Variants in PAPSS1 observed in about 807,000 individuals in gnomAD.
PAPSS1 encodes the protein 3'-phosphoadenosine 5'-phosphosulfate synthase 1.
A neutral mutation model predicts 72.0 loss-of-function variants in PAPSS1; 50 were observed. That is an observed-to-expected ratio of 0.69 (90% confidence interval 0.55 to 0.88). PAPSS1 has a LOEUF of 0.88. Ranked by LOEUF, PAPSS1 falls within the 40% of genes least tolerant of loss-of-function variation. The probability of loss-of-function intolerance (pLI) is 0.00; values close to 1 mark genes in which losing one functional copy is unlikely to be tolerated. For synonymous variants in PAPSS1, 261 were observed against 263.6 expected (o/e 0.99, Z 0.09); for missense variants, 657 against 782.2 (o/e 0.84, Z 1.91).
chr4:107,633,919 A>AG (rs1726291750), intron 10 of PAPSS1, among the ~76,000 whole-genome samples: 1 of 41,784 alleles, frequency 2.4e-5, no homozygotes. Flanking sequence ...ACTCCGTCTC[A>AG]AAAAAAAAAA....
chr4:107,650,609 G>C (rs1363318391), intron 9 of PAPSS1, among the ~76,000 whole-genome samples: 2 of 152,148 alleles, frequency 1.3e-5, no homozygotes, highest in Non-Finnish European at 2.9e-5. Context: ...GCAGAAAAGG[G>C]AAGTGTACAT....
chr4:107,634,523 T>C (rs1029690823), intron 10 of PAPSS1, among the ~76,000 whole-genome samples: 4 of 152,146 alleles, frequency 2.6e-5, no homozygotes, highest in African/African-American at 4.8e-5. Flanking sequence ...TGGTGGATCA[T>C]TTTATTAAGG....
At chr4:107,628,212 G>C (rs946578602) in intron 11 of PAPSS1, among the ~76,000 whole-genome samples, 1 of 152,138 alleles carries the variant, frequency 6.6e-6, no homozygotes, top group African/African-American at 2.4e-5. Flanking sequence ...TCATCTAAAA[G>C]TATGCATTGT....
At chr4:107,621,433 T>G (rs1022698440) in intron 11 of PAPSS1, among the ~76,000 whole-genome samples, 3 of 151,846 alleles carry the variant, frequency 2.0e-5, no homozygotes, top group African/African-American at 7.3e-5. Flanking sequence ...GTGACATAGG[T>G]GTTAATTTTC....
intron 7 of PAPSS1, among the ~76,000 whole-genome samples, chr4:107,655,878 G>A (rs999896663): frequency 2.6e-5 from 4 of 152,292 alleles, no homozygotes; most frequent in Non-Finnish European, 4.4e-5. Flanking sequence ...TAATCCTTAT[G>A]TTCTTGTGAT....
chr4:107,638,260 G>T (rs1726440153), intron 10 of PAPSS1, among the ~76,000 whole-genome samples: 1 of 152,144 alleles, frequency 6.6e-6, no homozygotes, highest in Non-Finnish European at 1.5e-5. Context: ...TTGTAGGAAA[G>T]AATTAAACAT....
chr4:107,650,654 A>G lies in PAPSS1; in HGVS notation c.1237+2837T>C, dbSNP rs573872408. Among the ~76,000 whole-genome samples the G allele has an allele frequency of 2.0e-5, 3 of 152,344 alleles. No homozygotes were observed. The South Asian group carries it at 6.2e-4, about 32-fold the overall frequency. Reference sequence around the variant, plus strand: ...TACCAGATGTTTCTGGTTGCAAATCACAGAAAACCCAACTAAAAGTATCTT... The same window carrying G: ...TACCAGATGTTTCTGGTTGCAAATCGCAGAAAACCCAACTAAAAGTATCTT... On this transcript the variant is annotated intron_variant, in intron 9 of 11. Transcript: ENST00000265174.
chr4:107,638,088 T>A (rs1349455157), intron 10 of PAPSS1, among the ~76,000 whole-genome samples: 1 of 152,242 alleles, frequency 6.6e-6, no homozygotes, highest in East Asian at 1.9e-4. Context: ...TTCCTGATAC[T>A]GTGGCTTTTG....
chr4:107,618,812 C>A (rs1261465877), intron 11 of PAPSS1, among the ~76,000 whole-genome samples: 1 of 152,050 alleles, frequency 6.6e-6, no homozygotes, highest in Non-Finnish European at 1.5e-5. Flanking sequence ...CAAGCAGAGC[C>A]TAGACAGGAA....
At chr4:107,715,927 TGA>T (rs144014949) in intron 1 of PAPSS1, among the ~76,000 whole-genome samples, 57 of 152,324 alleles carry the variant, frequency 3.7e-4, no homozygotes, top group East Asian at 3.3e-3. Flanking sequence ...ATGAGGATAT[TGA>T]GAGATGAAGG....
intron 1 of PAPSS1, among the ~76,000 whole-genome samples, chr4:107,715,465 G>C (rs1448908006): frequency 1.1e-4 from 16 of 152,184 alleles, no homozygotes; most frequent in Admixed American, 1.0e-3. Context: ...TTGGCCTCTT[G>C]TTTGGCTGTC....
chr4:107,719,832 G>C, intron 1 of PAPSS1: 1 of 1,288,760 alleles, frequency 7.8e-7, no homozygotes, highest in Non-Finnish European at 9.8e-7. Context: ...GGATTTTCCT[G>C]GGGGTCTTAC....
At chr4:107,659,318 C>T (rs1727108624) in intron 6 of PAPSS1, among the ~76,000 whole-genome samples, 1 of 152,140 alleles carries the variant, frequency 6.6e-6, no homozygotes, top group Admixed American at 6.5e-5. Flanking sequence ...TGTGGCACTT[C>T]CTTGGGTATT....
At chr4:107,710,725 ATC>A (rs138626274) in intron 1 of PAPSS1, among the ~76,000 whole-genome samples, 21 of 149,770 alleles carry the variant, frequency 1.4e-4, no homozygotes, top group East Asian at 2.0e-4. Flanking sequence ...AACAGCTTAA[ATC>A]TCTCTCTCTC....
chr4:107,663,742 T>C (rs1727247718), intron 5 of PAPSS1, among the ~76,000 whole-genome samples: 1 of 152,212 alleles, frequency 6.6e-6, no homozygotes. Context: ...TATCAACTCA[T>C]AGAATCCTCT....
At chr4:107,683,975 CAA>C (rs58381936) in intron 4 of PAPSS1, among the ~76,000 whole-genome samples, 43,309 of 151,582 alleles carry the variant, frequency 0.29, 7,336 homozygotes, top group Middle Eastern at 0.5. Context: ...GACACACACA[CAA>C]ACACACATTA....
At chr4:107,637,441 G>T (rs558562512) in intron 10 of PAPSS1, among the ~76,000 whole-genome samples, 2 of 152,178 alleles carry the variant, frequency 1.3e-5, no homozygotes, top group Non-Finnish European at 2.9e-5. Context: ...GGACTATACT[G>T]CTTACATATA....
At chr4:107,670,377 C>T (rs939306244) in intron 5 of PAPSS1, among the ~76,000 whole-genome samples, 3 of 152,010 alleles carry the variant, frequency 2.0e-5, no homozygotes, top group African/African-American at 7.2e-5. Flanking sequence ...ACTAAGACTA[C>T]AGAGATAAGA....
At chr4:107,674,625 G>C (rs568458544) in intron 5 of PAPSS1, among the ~76,000 whole-genome samples, 2 of 139,928 alleles carry the variant, frequency 1.4e-5, no homozygotes, top group Non-Finnish European at 3.3e-5. Flanking sequence ...ACAGATCCAC[G>C]AGACAGAAAG....
Sources: gnomAD v4.1 joint callset for allele counts (sites outside exome capture counted in the v4.1 genomes callset) on GRCh38, gnomAD v4.1.1 for gene constraint, MANE v1.5 for transcripts, NCBI Gene and HGNC (gene_info 2026-07-23, HGNC 2026-07-21) for gene names.